Variants in SDHAF4 observed in about 807,000 individuals in gnomAD.
The protein encoded by SDHAF4 is succinate dehydrogenase complex assembly factor 4, also known as succinate dehydrogenase assembly factor 4, mitochondrial.
A neutral mutation model predicts 14.3 loss-of-function variants in SDHAF4; 14 were observed. The observed-to-expected ratio is 0.98, with a 90% CI of 0.65 to 1.53. The LOEUF (loss-of-function observed/expected upper bound fraction) is 1.53. Among genes scored for constraint, SDHAF4 ranks in the 40% most tolerant of loss-of-function variants. The pLI is 0.00. For synonymous variants in SDHAF4, 63 were observed against 47.3 expected (o/e 1.33, Z -1.36); for missense variants, 141 against 129.3 (o/e 1.09, Z -0.44).
At chr6:70,580,817 C>T (rs1049128331) in intron 2 of SDHAF4, among the ~76,000 whole-genome samples, 10 of 152,104 alleles carry the variant, frequency 6.6e-5, no homozygotes, top group East Asian at 3.9e-4. Context: ...TCAGGGACTC[C>T]GGGGACTAAG....
intron 2 of SDHAF4, among the ~76,000 whole-genome samples, chr6:70,583,686 A>G (rs1055813594): frequency 6.6e-6 from 1 of 152,206 alleles, no homozygotes; most frequent in Non-Finnish European, 1.5e-5. Flanking sequence ...AAACAAAAAC[A>G]AAAACAAAAC....
intron 1 of SDHAF4, among the ~76,000 whole-genome samples, chr6:70,575,081 A>G (rs1325165167): frequency 6.6e-6 from 1 of 152,222 alleles, no homozygotes; most frequent in East Asian, 1.9e-4. Context: ...GATCTAGGCA[A>G]GAAAGACACA....
chr6:70,584,236 C>T (rs1302589927), intron 2 of SDHAF4, among the ~76,000 whole-genome samples: 2 of 152,122 alleles, frequency 1.3e-5, no homozygotes, highest in East Asian at 1.9e-4. Context: ...AGGCTGGTCT[C>T]GAACTGCTGA....
the SDHAF4 span, among the ~76,000 whole-genome samples, chr6:70,595,327 A>G: frequency 6.6e-6 from 1 of 152,214 alleles, no homozygotes; most frequent in Non-Finnish European, 1.5e-5. Flanking sequence ...TACAAGTGCA[A>G]TATTACTTGA....
rs762729319 is a variant in SDHAF4, at chr6:70,588,766, A to G, written c.*42A>G. On this transcript the variant is annotated 3_prime_UTR_variant, in exon 3 of 3. Coordinates refer to ENST00000370474, the MANE Select transcript of SDHAF4 (RefSeq NM_145267.3). ...CTTCAATATTGTTTTCTGAATATGTACATCTGAATTAACTTATTTCTGATT... is the reference window on the plus strand; with the variant it reads ...CTTCAATATTGTTTTCTGAATATGTGCATCTGAATTAACTTATTTCTGATT... 3 of 1,115,204 alleles carry G rather than the reference A, an allele frequency of 2.7e-6. No individual in the cohort carries two copies. The highest frequency in any genetic ancestry group is 3.1e-5 in the African/African-American group (2 of 63,676). 69.1% of individuals were successfully genotyped at this position (1,115,204 alleles called of 1,614,324 possible).
chr6:70,585,339 A>G (rs77020741), intron 2 of SDHAF4, among the ~76,000 whole-genome samples: 1,904 of 152,334 alleles, frequency 0.012, 30 homozygotes, highest in African/African-American at 0.043. Flanking sequence ...ATACTTTAAT[A>G]AAGCTGATGG....
chr6:70,575,069 A>G (rs1264938678), intron 1 of SDHAF4, among the ~76,000 whole-genome samples: 1 of 152,166 alleles, frequency 6.6e-6, no homozygotes, highest in African/African-American at 2.4e-5. Context: ...TCTGTATCCT[A>G]CGATCTAGGC....
intron 1 of SDHAF4, among the ~76,000 whole-genome samples, chr6:70,574,040 G>GCTGGGCA (rs1224173077): frequency 6.6e-6 from 1 of 152,070 alleles, no homozygotes; most frequent in Non-Finnish European, 1.5e-5. Context: ...GATTAGGCTG[G>GCTGGGCA]CTGGGCACGG....
In SDHAF4 at chr6:70,588,770, C is replaced by A; in HGVS notation, c.*46C>A. 9.5e-7 allele frequency: 1 copy of A among 1,055,722 alleles called. No homozygotes were observed. The highest frequency in any genetic ancestry group is 1.4e-6 in the Non-Finnish European group (1 of 697,186). The allele number at this position is 1,055,722 out of a possible 1,614,324, so 65.4% of individuals were successfully genotyped here. ...AATATTGTTTTCTGAATATGTACAT[C>A]TGAATTAACTTATTTCTGATTATTT... On this transcript the variant is annotated 3_prime_UTR_variant, in exon 3 of 3. Coordinates refer to ENST00000370474, the MANE Select transcript of SDHAF4 (RefSeq NM_145267.3).
intron 1 of SDHAF4, among the ~76,000 whole-genome samples, chr6:70,575,728 A>T (rs377474723): frequency 9.6e-4 from 125 of 130,664 alleles, no homozygotes; most frequent in East Asian, 2.1e-3. Flanking sequence ...TGTGTGTGTG[A>T]GAGAGAGAGA....
chr6:70,592,806 A>C (rs1232911872), downstream of SDHAF4, among the ~76,000 whole-genome samples: 1 of 152,234 alleles, frequency 6.6e-6, no homozygotes, highest in African/African-American at 2.4e-5. Context: ...AGAGAATGAA[A>C]GAGTTTTTTC....
At chr6:70,592,784 T>A (rs937805970), downstream of SDHAF4, among the ~76,000 whole-genome samples, 5 of 152,168 alleles carry the variant, frequency 3.3e-5, no homozygotes, top group Non-Finnish European at 5.9e-5. Context: ...ATTCTAAGCC[T>A]AGACATGTGG....
rs573248496 is a variant in SDHAF4, at chr6:70,577,887, G to A, written c.65-1527G>A. 7.2e-5 allele frequency among the ~76,000 whole-genome samples: 11 copies of A among 152,270 alleles called. No homozygotes were observed. The South Asian group carries it at 2.3e-3, about 32-fold the overall frequency. Reference sequence around the variant, plus strand: ...GGCCTCCAGCTGCATCCATGTTGCAGCAAAGGACATGATTTCATTATTTTT... The same window carrying A: ...GGCCTCCAGCTGCATCCATGTTGCAACAAAGGACATGATTTCATTATTTTT... On this transcript the variant is annotated intron_variant, in intron 1 of 2. Transcript: ENST00000370474.
chr6:70,586,239 A>G (rs958160864), intron 2 of SDHAF4, among the ~76,000 whole-genome samples: 10 of 152,072 alleles, frequency 6.6e-5, no homozygotes, highest in Non-Finnish European at 1.3e-4. Flanking sequence ...CTAAGTAACC[A>G]TGGGGTTTGG....
chr6:70,575,283 C>T (rs921107583), intron 1 of SDHAF4, among the ~76,000 whole-genome samples: 1 of 151,950 alleles, frequency 6.6e-6, no homozygotes, highest in African/African-American at 2.4e-5. Context: ...GAGGCTGAGG[C>T]ACAAGAATCA....
At chr6:70,571,600 A>G (rs2128533694) in intron 1 of SDHAF4, among the ~76,000 whole-genome samples, 1 of 152,336 alleles carries the variant, frequency 6.6e-6, no homozygotes, top group East Asian at 1.9e-4. Context: ...GGTGTGAGCC[A>G]CCGCGCCCAG....
rs554884806 is a variant in SDHAF4, at chr6:70,588,847, A to ATATATATG, written c.*130_*131insGTATATAT. The ATATATATG allele has an allele frequency of 6.6e-3, 2,308 of 350,974 alleles. 99 individuals are homozygous for ATATATATG. The highest frequency in any genetic ancestry group is 0.045 in the African/African-American group (2,057 of 45,676). The allele number at this position is 350,974 out of a possible 1,614,324, so 21.7% of individuals were successfully genotyped here. ...TAGTTTGTATAATGTGTTTAAATAT[A>ATATATATG]TATATATATGATGGCTTTGGAAGAA... On this transcript the variant is annotated 3_prime_UTR_variant, in exon 3 of 3. Coordinates refer to ENST00000370474, the MANE Select transcript of SDHAF4 (RefSeq NM_145267.3).
downstream of SDHAF4, chr6:70,589,680 A>G (rs1447717122): frequency 6.6e-6 from 1 of 152,232 alleles, no homozygotes; most frequent in Non-Finnish European, 1.5e-5. Context: ...ACTTGGAGCC[A>G]GTGACTTAAT....
In SDHAF4 at chr6:70,588,856, T is replaced by TATATATATATA. The variant is rs1554183414; in HGVS notation, c.*132_*133insATATATATATA. ...TAATGTGTTTAAATATATATATATA[T>TATATATATATA]GATGGCTTTGGAAGAAAATATGCTG... On this transcript the variant is annotated 3_prime_UTR_variant, in exon 3 of 3. Coordinates refer to ENST00000370474, the MANE Select transcript of SDHAF4 (RefSeq NM_145267.3). 3.1e-5 allele frequency: 10 copies of TATATATATATA among 324,958 alleles called. No individual in the cohort carries two copies. Among genetic ancestry groups the TATATATATATA allele is most frequent in the Admixed American group, 4.6e-5 (1 of 21,866 alleles). The allele number at this position is 324,958 out of a possible 1,614,324, so 20.1% of individuals were successfully genotyped here. A position where few individuals can be genotyped will look rare whatever the true frequency, so the allele number is the denominator to read the frequency against.
Sources: gnomAD v4.1 joint callset for allele counts (sites outside exome capture counted in the v4.1 genomes callset) on GRCh38, gnomAD v4.1.1 for gene constraint, MANE v1.5 for transcripts, NCBI Gene and HGNC (gene_info 2026-07-23, HGNC 2026-07-21) for gene names.